CASP9: variants seen among roughly 807,000 people sequenced by gnomAD.
CASP9 encodes caspase 9, also known as caspase-9.
In CASP9, 29 loss-of-function variants were observed where a neutral mutation model predicts 43.5. That is an observed-to-expected ratio of 0.67 (90% CI 0.50 to 0.91). The LOEUF (loss-of-function observed/expected upper bound fraction) is 0.91. CASP9 is among the 40% of genes least tolerant of loss of function. The probability of loss-of-function intolerance (pLI) is 0.00; values close to 1 mark genes in which losing one functional copy is unlikely to be tolerated. For missense variants in CASP9, 575 were observed against 537.4 expected (o/e 1.07, Z -0.69); for synonymous variants, 206 against 211.9 (o/e 0.97, Z 0.24).
At position 15,518,197 on chromosome 1, in the gene CASP9, G is replaced by A; in HGVS notation, c.331C>T (p.Leu111Phe). 1 of 1,614,230 alleles carries A rather than the reference G, an allele frequency of 6.2e-7. No homozygotes were observed. Among genetic ancestry groups the A allele is most frequent in the Non-Finnish European group, 8.5e-7 (1 of 1,180,048 alleles). ...TCTGGTTTGCGAATCTCTGGTCTGA[G>A]CACCACTGGGGTAAGGTTTTCTAGG... ...PTLENLTPVVLRPEIRKPEVL... is the reference protein window; with the variant it reads ...PTLENLTPVVFRPEIRKPEVL... Residue 111 changes from leucine to phenylalanine, a missense_variant, in exon 2 of 9, where the codon CTC becomes TTC. Physicochemically the swap from Leu to Phe is conservative, Grantham distance 22. Coordinates refer to ENST00000333868, the MANE Select transcript of CASP9 (RefSeq NM_001229.5).
chr1:15,505,890 C>G (rs1709499630), intron 5 of CASP9, 100 bp downstream of exon 5: 1 of 959,410 alleles, frequency 1.0e-6, no homozygotes, highest in African/African-American at 1.6e-5. Context: ...TCCACAAAGC[C>G]AAGGGTGTTT....
chr1:15,494,166 T>C (rs1557532440), intron 7 of CASP9, among the ~76,000 whole-genome samples, 165 bp from the exon 8 acceptor site: 4 of 152,112 alleles, frequency 2.6e-5, no homozygotes. Flanking sequence ...AATCATGATC[T>C]TATTTCACCC....
upstream of CASP9, chr1:15,524,883 TC>T (rs1437976652): frequency 4.0e-6 from 2 of 496,238 alleles, no homozygotes; most frequent in Non-Finnish European, 4.9e-6. Flanking sequence ...CAGAATCCAT[TC>T]CGCGCCACCG....
At chr1:15,517,492 T>C (rs939388575) in intron 2 of CASP9, among the ~76,000 whole-genome samples, 1 of 152,176 alleles carries the variant, frequency 6.6e-6, no homozygotes, top group Admixed American at 6.5e-5. Context: ...CTTGATGATA[T>C]GGGTGTTAGT....
At chr1:15,507,929 G>A (rs1204144896) in intron 2 of CASP9, 22 bp from the exon 3 acceptor site, 3 of 1,613,910 alleles carry the variant, frequency 1.9e-6, no homozygotes, top group Admixed American at 1.7e-5. Context: ...GAGAAAGAGA[G>A]AAACATGAAT....
At position 15,518,214 on chromosome 1, in the gene CASP9, T is replaced by C. The variant is rs775190388; in HGVS notation, c.314A>G (p.Asn105Ser). Residue 105 changes from asparagine (N) to serine (S), a missense_variant, in exon 2 of 9, where the codon AAC (asparagine) becomes AGC (serine). Physicochemically the swap from Asn to Ser is conservative, Grantham distance 46 (BLOSUM62 1). Transcript: ENST00000333868. ...AAKLSKPTLE[N>S]LTPVVLRPEI... is the part of the protein sequence containing the mutation. ...TGGTCTGAGCACCACTGGGGTAAGGTTTTCTAGGGTTGGCTTCGACAACTT... is the reference window on the plus strand; with the variant it reads ...TGGTCTGAGCACCACTGGGGTAAGGCTTTCTAGGGTTGGCTTCGACAACTT... 2 of 1,613,910 alleles carry C rather than the reference T, an allele frequency of 1.2e-6. No individual in the cohort carries two copies. The highest frequency in any genetic ancestry group is 2.7e-5 in the African/African-American group (2 of 74,860).
chr1:15,510,515 C>T (rs930108539), intron 2 of CASP9, among the ~76,000 whole-genome samples: 1 of 152,158 alleles, frequency 6.6e-6, no homozygotes, highest in African/African-American at 2.4e-5. Flanking sequence ...AATATAACTA[C>T]TATCCACTAC....
chr1:15,493,369 G>A (rs1441197886), intron 8 of CASP9: 4 of 1,236,064 alleles, frequency 3.2e-6, no homozygotes, highest in African/African-American at 3.1e-5. Context: ...GCAGCCACAA[G>A]GCCACAGGAC....
chr1:15,518,054 G>A (rs1437546952), intron 2 of CASP9, 56 bp downstream of exon 2: 2 of 1,570,266 alleles, frequency 1.3e-6, no homozygotes, highest in South Asian at 2.2e-5. Flanking sequence ...TACTCATAGT[G>A]AGTCCCAAAT....
intron 1 of CASP9, chr1:15,519,753 T>C (rs1432833730): frequency 6.5e-6 from 1 of 153,128 alleles, no homozygotes; most frequent in African/African-American, 2.4e-5. Context: ...ATGCTTGCAA[T>C]TCCAGCACTT....
intron 2 of CASP9, among the ~76,000 whole-genome samples, chr1:15,511,308 G>C (rs1007368160): frequency 1.3e-5 from 2 of 152,086 alleles, no homozygotes; most frequent in African/African-American, 2.4e-5. Flanking sequence ...CTGGAGTGCA[G>C]TGGTACAATC....
At chr1:15,505,638 A>T (rs1270302971) in intron 5 of CASP9, among the ~76,000 whole-genome samples, 1 of 151,996 alleles carries the variant, frequency 6.6e-6, no homozygotes, top group Non-Finnish European at 1.5e-5. Flanking sequence ...ACCAGCAGCA[A>T]GGGGCCTGGG....
intron 6 of CASP9, among the ~76,000 whole-genome samples, chr1:15,498,742 C>CTTTTTTTTTTTTTTTTTTTTTTTTT: frequency 1.2e-5 from 1 of 83,494 alleles, no homozygotes; most frequent in Non-Finnish European, 2.1e-5. Context: ...TGAAAGTGAT[C>CTTTTTTTTTTTTTTTTTTTTTTTTT]TTTTTTTTTT....
At chr1:15,493,204 TA>T in intron 8 of CASP9, 169 bp from the exon 9 acceptor site, 1 of 1,411,134 alleles carries the variant, frequency 7.1e-7, no homozygotes, top group Non-Finnish European at 9.2e-7. Context: ...ACTTTACCTT[TA>T]AAAAACTCAA....
chr1:15,510,728 G>C (rs189653716), intron 2 of CASP9, among the ~76,000 whole-genome samples: 423 of 152,172 alleles, frequency 2.8e-3, no homozygotes, highest in Non-Finnish European at 3.4e-3. Flanking sequence ...GCATGTTCAG[G>C]GCCCCTCAAG....
upstream of CASP9, chr1:15,524,362 T>C (rs1710357780): frequency 4.4e-6 from 6 of 1,366,988 alleles, no homozygotes; most frequent in African/African-American, 1.8e-5. Flanking sequence ...CTCCAAGGCC[T>C]CGCCCCGCCC....
chr1:15,499,525 G>A (rs1235029152), intron 6 of CASP9, among the ~76,000 whole-genome samples: 1 of 152,164 alleles, frequency 6.6e-6, no homozygotes, highest in Non-Finnish European at 1.5e-5. Flanking sequence ...TGAAATCCAT[G>A]GAGATGTTTA....
At position 15,493,902 on chromosome 1, in the gene CASP9, A is replaced by T; in HGVS notation, c.1148T>A (p.Leu383His). The change falls in exon 8 of 9, where the codon CTC becomes CAC. Residue 383 changes from leucine to histidine, a missense_variant. Coordinates refer to ENST00000333868, the MANE Select transcript of CASP9 (RefSeq NM_001229.5). ...QWAHSEDLQSLLLRVANAVSV... is the reference protein window; with the variant it reads ...QWAHSEDLQSHLLRVANAVSV... Reference sequence around the variant, plus strand: ...GAAGGCAGCACTCACCCTAAGCAGGAGGGACTGCAGGTCTTCAGAGTGAGC... The same window carrying T: ...GAAGGCAGCACTCACCCTAAGCAGGTGGGACTGCAGGTCTTCAGAGTGAGC... 6.3e-7 allele frequency: 1 copy of T among 1,596,008 alleles called. No homozygotes were observed. The highest frequency in any genetic ancestry group is 8.5e-7 in the Non-Finnish European group (1 of 1,170,304).
At chr1:15,494,089 G>A (rs1021806168) in intron 7 of CASP9, 88 bp from the exon 8 acceptor site, 6 of 1,502,802 alleles carry the variant, frequency 4.0e-6, no homozygotes, top group Non-Finnish European at 5.3e-6. Context: ...GCTGGCTCGG[G>A]CGCCCTCCAG....
Sources: allele counts gnomAD v4.1 joint callset (sites outside exome capture counted in the v4.1 genomes callset), GRCh38; gene constraint gnomAD v4.1.1; transcripts MANE v1.5; gene names NCBI Gene and HGNC (gene_info 2026-07-23, HGNC 2026-07-21).